The following DAPK1 variants were observed in gnomAD, a reference collection of about 807,000 sequenced individuals.
The protein encoded by DAPK1 is death associated protein kinase 1.
Under a neutral mutation model 144.9 loss-of-function variants are expected in DAPK1, and 56 were observed. That is an observed-to-expected ratio of 0.39 (90% CI 0.31 to 0.48). The LOEUF (loss-of-function observed/expected upper bound fraction) is 0.48. Ranked by LOEUF, DAPK1 falls within the 20% of genes least tolerant of loss-of-function variation. The pLI is 0.95. For synonymous variants in DAPK1, 690 were observed against 749.0 expected (o/e 0.92, Z 1.29); for missense variants, 1,454 against 1,875.4 (o/e 0.78, Z 4.15).
At position 87,651,523 on chromosome 9, in the gene DAPK1, C is replaced by T. The variant is rs774789914; in HGVS notation, c.1627-4C>T. On this transcript the variant is annotated splice_polypyrimidine_tract_variant and splice_region_variant and intron_variant, in intron 16 of 25. Transcript: ENST00000408954. ...CTCTCATGATCTCTGGGGTTTGTTT[C>T]CAGGACGGACACATTGCCCTTCATC... 3.7e-6 allele frequency: 6 copies of T among 1,614,046 alleles called. No homozygotes were observed. Among genetic ancestry groups the T allele is most frequent in the South Asian group, 3.3e-5 (3 of 91,078 alleles).
At chr9:87,681,215 T>G (rs902734894) in intron 19 of DAPK1, among the ~76,000 whole-genome samples, 189 bp from the exon 20 acceptor site, 1 of 150,218 alleles carries the variant, frequency 6.7e-6, no homozygotes, top group Non-Finnish European at 1.5e-5. Context: ...AAGGCAGAGG[T>G]TGCGGTGAGC....
chr9:87,548,435 C>T (rs537544080), intron 2 of DAPK1, among the ~76,000 whole-genome samples: 17 of 152,314 alleles, frequency 1.1e-4, no homozygotes, highest in Non-Finnish European at 2.2e-4. Context: ...TTGTGGACTA[C>T]ATTTCTCCTG....
intron 20 of DAPK1, among the ~76,000 whole-genome samples, chr9:87,685,193 A>G (rs1003483234): frequency 6.6e-6 from 1 of 152,160 alleles, no homozygotes; most frequent in Non-Finnish European, 1.5e-5. Context: ...CAGAAATAGA[A>G]TATGTGTTGG....
At chr9:87,694,586 CT>C (rs1256232464) in intron 21 of DAPK1, among the ~76,000 whole-genome samples, 1 of 152,158 alleles carries the variant, frequency 6.6e-6, no homozygotes, top group South Asian at 2.1e-4. Flanking sequence ...TTTGCACATA[CT>C]TTAGACTCAG....
chr9:87,687,394 T>C (rs1824902588), intron 21 of DAPK1, among the ~76,000 whole-genome samples: 1 of 152,228 alleles, frequency 6.6e-6, no homozygotes, highest in Admixed American at 6.5e-5. Flanking sequence ...AGTATTTATC[T>C]TTCTGTGCCT....
intron 20 of DAPK1, among the ~76,000 whole-genome samples, chr9:87,684,943 C>T (rs765268623): frequency 2.0e-5 from 3 of 152,196 alleles, no homozygotes; most frequent in Admixed American, 1.3e-4. Context: ...CGTCTGCTCT[C>T]ATTAAGCACA....
rs570625256 is a variant in DAPK1 at position 87,616,424 on chromosome 9, C to T, written c.284+11249C>T. 3.9e-5 allele frequency among the ~76,000 whole-genome samples: 6 copies of T among 152,286 alleles called. No homozygotes were observed. In the South Asian group the frequency reaches 1.2e-3, roughly 32 times the overall value. ...GGATCTGAAAAAGAGTCACGTGTGG[C>T]TCAAGAACCAGTTAGTTGACCAGGG... On this transcript the variant is annotated intron_variant, in intron 3 of 25. Transcript: ENST00000408954.
intron 2 of DAPK1, among the ~76,000 whole-genome samples, chr9:87,552,064 C>T (rs28525565): frequency 0.19 from 28,966 of 151,954 alleles, 4,224 homozygotes; most frequent in African/African-American, 0.39. Flanking sequence ...CCTCGCGAGG[C>T]TGGCTCACCT....
chr9:87,669,155 A>G (rs1353837545), intron 19 of DAPK1, among the ~76,000 whole-genome samples: 1 of 152,200 alleles, frequency 6.6e-6, no homozygotes, highest in African/African-American at 2.4e-5. Flanking sequence ...CATACCCTTT[A>G]ATCTAGGAAC....
Position 87,640,322 on chromosome 9 carries a change from T to C in DAPK1, c.654T>C (p.Leu218=). Residue 218 remains leucine, a synonymous_variant, in exon 8 of 26, where the codon CTT becomes CTC. Transcript: ENST00000408954. ...GCCTAAGTGGGGCCTCCCCATTTCT[T>C]GGAGACACTAAGCAAGAAACGTTAG... ...YILLSGASPF[L]GDTKQETLAN... The C allele has an allele frequency of 6.2e-7, 1 of 1,614,090 alleles. No individual in the cohort carries two copies. Among genetic ancestry groups the C allele is most frequent in the Non-Finnish European group, 8.5e-7 (1 of 1,179,986 alleles).
At chr9:87,681,332 G>C in intron 19 of DAPK1, 72 bp from the exon 20 acceptor site, 1 of 826,712 alleles carries the variant, frequency 1.2e-6, no homozygotes, top group Non-Finnish European at 2.0e-6. Flanking sequence ...GCACACCGGG[G>C]ATTAGGAATC....
Position 87,649,947 on chromosome 9 carries a change from T to A in DAPK1, c.1455T>A (p.Ala485=), listed in dbSNP as rs771600242. 1.9e-6 allele frequency: 3 copies of A among 1,614,172 alleles called. No individual in the cohort carries two copies. Among genetic ancestry groups the A allele is most frequent in the Non-Finnish European group, 2.5e-6 (3 of 1,180,012 alleles). ...AAGAAGAAACCCCCCTGCACTGTGC[T>A]GCTTGGCACGGCTATTACTCTGTGG... is the stretch of plus-strand genomic sequence containing the variant. The part of the protein sequence containing the change: ...DKEEETPLHC[A]AWHGYYSVAK... The change falls in exon 16 of 26, where the codon GCT becomes GCA. Residue 485 remains alanine, a synonymous_variant. Coordinates refer to ENST00000408954, the MANE Select transcript of DAPK1 (RefSeq NM_004938.4).
chr9:87,513,940 A>T (rs937427232), intron 2 of DAPK1, among the ~76,000 whole-genome samples: 2 of 152,086 alleles, frequency 1.3e-5, no homozygotes, highest in African/African-American at 2.4e-5. Context: ...TTAGGATAGG[A>T]TATTTATAAT....
intron 2 of DAPK1, among the ~76,000 whole-genome samples, chr9:87,574,757 A>G (rs1279924579): frequency 6.6e-6 from 1 of 152,152 alleles, no homozygotes; most frequent in Non-Finnish European, 1.5e-5. Context: ...CGTCTCTACT[A>G]AAAATACACA....
chr9:87,500,373 G>T (rs974411638), intron 2 of DAPK1, among the ~76,000 whole-genome samples: 6 of 152,188 alleles, frequency 3.9e-5, no homozygotes, highest in African/African-American at 7.2e-5. Flanking sequence ...ATATGTTTAA[G>T]ATTAAAGTTT....
At chr9:87,515,267 C>T (rs1825006522) in intron 2 of DAPK1, among the ~76,000 whole-genome samples, 2 of 152,150 alleles carry the variant, frequency 1.3e-5, no homozygotes, top group African/African-American at 2.4e-5. Context: ...CAGCCACAGA[C>T]ATTATGTGTC....
In DAPK1 at chr9:87,569,643, T is replaced by A. The variant is rs187826560; in HGVS notation, c.63-35311T>A. Reference sequence around the variant, plus strand: ...GGCCATGTTTTTCAAAGGAAGTGGGTGCAGAACTGGATCCTGTCAGTGTCA... The same window carrying A: ...GGCCATGTTTTTCAAAGGAAGTGGGAGCAGAACTGGATCCTGTCAGTGTCA... On this transcript the variant is annotated intron_variant, in intron 2 of 25. Transcript: ENST00000408954. Among the ~76,000 whole-genome samples the A allele has an allele frequency of 3.9e-5, 6 of 152,274 alleles. No individual in the cohort carries two copies. In the East Asian group the frequency reaches 1.2e-3, roughly 29 times the overall value.
intron 2 of DAPK1, among the ~76,000 whole-genome samples, chr9:87,575,856 C>T (rs767438771): frequency 6.6e-6 from 1 of 152,184 alleles, no homozygotes; most frequent in East Asian, 1.9e-4. Context: ...AAACAACCCT[C>T]GCATTCTCAG....
At chr9:87,500,130 C>T (rs1244466941) in intron 2 of DAPK1, among the ~76,000 whole-genome samples, 1 of 152,116 alleles carries the variant, frequency 6.6e-6, no homozygotes, top group Non-Finnish European at 1.5e-5. Context: ...TTAAAAAACA[C>T]CCACATCCTG....
Sources: gnomAD v4.1 joint callset for allele counts (sites outside exome capture counted in the v4.1 genomes callset) on GRCh38, gnomAD v4.1.1 for gene constraint, MANE v1.5 for transcripts, NCBI Gene and HGNC (gene_info 2026-07-23, HGNC 2026-07-21) for gene names.